SPACA7: variants seen among roughly 807,000 people sequenced by gnomAD.
The protein encoded by SPACA7 is sperm acrosome-associated protein 7.
A neutral mutation model predicts 26.3 loss-of-function variants in SPACA7; 19 were observed. The observed-to-expected ratio is 0.72, with a 90% CI of 0.50 to 1.06. The LOEUF (loss-of-function observed/expected upper bound fraction) is 1.06, where lower values mean the gene tolerates loss of function less well. Among genes scored for constraint, SPACA7 ranks in the 50% least tolerant of loss-of-function variants. SPACA7 has a pLI of 0.00. For synonymous variants in SPACA7, 84 were observed against 84.5 expected (o/e 0.99, Z 0.04); for missense variants, 211 against 229.9 (o/e 0.92, Z 0.53).
At position 112,424,490 on chromosome 13, in the gene SPACA7, A is replaced by C. The variant is rs572900505; in HGVS notation, c.446-7954A>C. Among the ~76,000 whole-genome samples the C allele has an allele frequency of 9.2e-5, 14 of 152,258 alleles. No homozygotes were observed. The South Asian group carries it at 2.9e-3, about 32-fold the overall frequency. ...TGAGAACAGAATGACAGAACTTCAC[A>C]TATAGACAATGGCATTGTGTTGGGG... On this transcript the variant is annotated intron_variant, in intron 5 of 6. Coordinates refer to ENST00000283550, the MANE Select transcript of SPACA7 (RefSeq NM_145248.5).
chr13:112,386,005 C>G (rs61960776), intron 1 of SPACA7, among the ~76,000 whole-genome samples: 19,293 of 152,192 alleles, frequency 0.13, 1,578 homozygotes, highest in South Asian at 0.34. Context: ...GCAGGCAGAG[C>G]TGGATGGCAA....
intron 5 of SPACA7, among the ~76,000 whole-genome samples, chr13:112,411,142 A>G (rs1886323610): frequency 1.5e-5 from 2 of 129,088 alleles, no homozygotes; most frequent in African/African-American, 5.7e-5. Flanking sequence ...TGTTTTTTTT[A>G]GGAAGTAAAT....
At chr13:112,425,185 C>T (rs962041532) in intron 5 of SPACA7, among the ~76,000 whole-genome samples, 2 of 152,176 alleles carry the variant, frequency 1.3e-5, no homozygotes, top group African/African-American at 4.8e-5. Flanking sequence ...AGGGTGCGCA[C>T]AGGCTCCCCT....
At chr13:112,416,443 T>C (rs1437048481) in intron 5 of SPACA7, among the ~76,000 whole-genome samples, 1 of 151,996 alleles carries the variant, frequency 6.6e-6, no homozygotes, top group Non-Finnish European at 1.5e-5. Context: ...CCTGCCACCA[T>C]GCCTGGCTAA....
intron 2 of SPACA7, among the ~76,000 whole-genome samples, chr13:112,396,540 C>T (rs1885272906): frequency 6.6e-6 from 1 of 152,154 alleles, no homozygotes; most frequent in Admixed American, 6.5e-5. Context: ...CTTGGCCCCC[C>T]AGTGCCTGTG....
At chr13:112,383,989 G>A (rs953626405) in intron 1 of SPACA7, among the ~76,000 whole-genome samples, 2 of 152,200 alleles carry the variant, frequency 1.3e-5, no homozygotes, top group African/African-American at 4.8e-5. Flanking sequence ...TTTGTTCACA[G>A]GAGTATATTT....
chr13:112,407,772 C>T (rs1325067030), intron 5 of SPACA7, among the ~76,000 whole-genome samples: 2 of 152,162 alleles, frequency 1.3e-5, no homozygotes, highest in South Asian at 4.1e-4. Context: ...GATTCACAGC[C>T]GAATTCTACC....
intron 5 of SPACA7, among the ~76,000 whole-genome samples, chr13:112,414,546 G>A (rs562103393): frequency 1.3e-5 from 2 of 151,788 alleles, no homozygotes; most frequent in Non-Finnish European, 2.9e-5. Context: ...AAGTATCTGG[G>A]ATTACAGGCA....
At chr13:112,432,373 TAAAGGA>T in intron 5 of SPACA7, 65 bp from the exon 6 acceptor site, 4 of 1,311,902 alleles carry the variant, frequency 3.0e-6, no homozygotes, top group Non-Finnish European at 4.4e-6. Flanking sequence ...TCCCTGAAGT[TAAAGGA>T]AAAGTGGAAT....
intron 6 of SPACA7, among the ~76,000 whole-genome samples, chr13:112,433,397 C>A (rs1409294812): frequency 6.7e-6 from 1 of 149,092 alleles, no homozygotes; most frequent in African/African-American, 2.5e-5. Context: ...AGGCACTGTC[C>A]TAGGCTCTGG....
chr13:112,412,755 G>A (rs139414425), intron 5 of SPACA7, among the ~76,000 whole-genome samples: 9 of 152,042 alleles, frequency 5.9e-5, no homozygotes, highest in Non-Finnish European at 7.4e-5. Flanking sequence ...TGTTGAAAAT[G>A]AATTGGCTGT....
intron 1 of SPACA7, among the ~76,000 whole-genome samples, chr13:112,390,951 T>C (rs1884849488): frequency 6.6e-6 from 1 of 152,220 alleles, no homozygotes; most frequent in African/African-American, 2.4e-5. Context: ...CCATGGCCAG[T>C]GGTCTCTCAC....
intron 5 of SPACA7, among the ~76,000 whole-genome samples, chr13:112,414,350 A>AAATTAATCTG (rs1050677843): frequency 5.6e-5 from 8 of 142,104 alleles, no homozygotes; most frequent in Non-Finnish European, 1.1e-4. Flanking sequence ...ATCTTTCATT[A>AAATTAATCTG]AATTAATCTG....
chr13:112,396,478 G>A (rs1213381504), intron 2 of SPACA7, among the ~76,000 whole-genome samples: 1 of 152,170 alleles, frequency 6.6e-6, no homozygotes, highest in Non-Finnish European at 1.5e-5. Context: ...GCTGCCTCCT[G>A]GACATGGCTG....
At chr13:112,418,084 G>A (rs1172760107) in intron 5 of SPACA7, among the ~76,000 whole-genome samples, 1 of 152,140 alleles carries the variant, frequency 6.6e-6, no homozygotes, top group Non-Finnish European at 1.5e-5. Flanking sequence ...GGACTTAGAA[G>A]ATTCAATTTA....
intron 1 of SPACA7, among the ~76,000 whole-genome samples, chr13:112,387,299 C>T (rs953342576): frequency 6.6e-6 from 1 of 152,196 alleles, no homozygotes; most frequent in African/African-American, 2.4e-5. Flanking sequence ...GGACACAAAA[C>T]AAGACAGAAA....
At chr13:112,423,718 T>C (rs191414598) in intron 5 of SPACA7, among the ~76,000 whole-genome samples, 1 of 152,300 alleles carries the variant, frequency 6.6e-6, no homozygotes, top group Non-Finnish European at 1.5e-5. Flanking sequence ...CACAGTATGT[T>C]CTAAAGGAAG....
At chr13:112,397,269 T>C (rs1332199105) in intron 2 of SPACA7, among the ~76,000 whole-genome samples, 3 of 152,296 alleles carry the variant, frequency 2.0e-5, no homozygotes, top group African/African-American at 7.2e-5. Context: ...TTGAGGGACT[T>C]TCTGGGCTAA....
rs1885388351 is a variant in SPACA7 at position 112,397,972 on chromosome 13, G to A, written c.152-77G>A. 8 of 862,590 alleles carry A rather than the reference G, an allele frequency of 9.3e-6. 1 individual carries two copies. Among genetic ancestry groups the A allele is most frequent in the South Asian group, 8.7e-5 (6 of 68,582 alleles). 53.4% of individuals were successfully genotyped at this position (862,590 alleles called of 1,614,324 possible). On this transcript the variant is annotated intron_variant, in intron 2 of 6. Coordinates refer to ENST00000283550, the MANE Select transcript of SPACA7 (RefSeq NM_145248.5). ...TGTGTGTACATTCACTGTGTGTACA[G>A]ATGGCCTTAGGGGACAGGAGCCAAG...
Sources: allele counts gnomAD v4.1 joint callset (sites outside exome capture counted in the v4.1 genomes callset), GRCh38; gene constraint gnomAD v4.1.1; transcripts MANE v1.5; gene names NCBI Gene and HGNC (gene_info 2026-07-23, HGNC 2026-07-21).